Variants in STK3 observed in about 807,000 individuals in gnomAD.
The protein encoded by STK3 is serine/threonine kinase 3.
STK3 carries 41 observed loss-of-function variants against 58.0 expected under a neutral mutation model. The observed-to-expected ratio is 0.71, with a 90% CI of 0.55 to 0.92. STK3 has a LOEUF of 0.92. STK3 is among the 40% of genes least tolerant of loss of function. STK3 has a pLI of 0.00. For missense variants in STK3, 479 were observed against 602.7 expected (o/e 0.79, Z 2.15); for synonymous variants, 170 against 191.0 (o/e 0.89, Z 0.91).
rs71514990 is a variant in STK3, at chr8:98,510,080, G to T, written c.1317+16662C>A. Among the ~76,000 whole-genome samples, 848 of 152,152 alleles carry T rather than the reference G, an allele frequency of 5.6e-3. 4 individuals carry two copies. Among genetic ancestry groups the T allele is most frequent in the Middle Eastern group, 0.014 (4 of 294 alleles). ...TTTAAATGATCCTATCAATATTGGT[G>T]TCCGGGTTACACACAACTATAAATC... is the stretch of plus-strand genomic sequence containing the variant. On this transcript the variant is annotated intron_variant, in intron 10 of 10. Transcript: ENST00000419617.
chr8:98,587,459 G>A (rs1230435244), intron 7 of STK3, among the ~76,000 whole-genome samples: 5 of 152,128 alleles, frequency 3.3e-5, no homozygotes. Flanking sequence ...TGTGGTCTGA[G>A]AGATAGTTTG....
At chr8:98,524,118 C>T (rs937632229) in intron 10 of STK3, among the ~76,000 whole-genome samples, 6 of 152,172 alleles carry the variant, frequency 3.9e-5, no homozygotes, top group African/African-American at 1.2e-4. Flanking sequence ...CTCTTCTTTG[C>T]CCCCACTGAA....
At chr8:98,657,921 A>G (rs1821673047) in intron 6 of STK3, among the ~76,000 whole-genome samples, 1 of 152,082 alleles carries the variant, frequency 6.6e-6, no homozygotes, top group Admixed American at 6.6e-5. Flanking sequence ...TCCTTACAAT[A>G]AGCCTGTGAT....
intron 10 of STK3, among the ~76,000 whole-genome samples, chr8:98,495,512 T>C (rs1013136179): frequency 6.6e-6 from 1 of 152,192 alleles, no homozygotes; most frequent in African/African-American, 2.4e-5. Context: ...AATGACCTTG[T>C]ATTTTGTACT....
chr8:98,599,965 T>C (rs979220711), intron 6 of STK3, among the ~76,000 whole-genome samples: 43 of 152,004 alleles, frequency 2.8e-4, no homozygotes, highest in African/African-American at 9.9e-4. Context: ...GGAAACTCCA[T>C]CTAAAAAAGA....
intron 8 of STK3, among the ~76,000 whole-genome samples, chr8:98,549,305 G>A (rs1301672822): frequency 6.6e-6 from 1 of 152,128 alleles, no homozygotes; most frequent in Non-Finnish European, 1.5e-5. Context: ...CCATCCTAAT[G>A]AACATGAAGT....
At chr8:98,562,060 G>A (rs1563741840) in intron 8 of STK3, among the ~76,000 whole-genome samples, 1 of 152,120 alleles carries the variant, frequency 6.6e-6, no homozygotes, top group Non-Finnish European at 1.5e-5. Flanking sequence ...TCATTCCTTG[G>A]TTAGTAGGAA....
chr8:98,651,423 A>C (rs1362648717), intron 6 of STK3: 1 of 152,288 alleles, frequency 6.6e-6, no homozygotes, highest in African/African-American at 2.4e-5. Flanking sequence ...AAACTCTAAA[A>C]AGCAGAGTGC....
intron 1 of STK3, among the ~76,000 whole-genome samples, chr8:98,911,210 CTT>C (rs1357084336): frequency 1.3e-5 from 2 of 152,156 alleles, no homozygotes; most frequent in African/African-American, 2.4e-5. Flanking sequence ...AAATTATTGT[CTT>C]CCTCAAGTTC....
chr8:98,851,281 G>A (rs770256009), intron 3 of STK3, among the ~76,000 whole-genome samples: 2 of 152,174 alleles, frequency 1.3e-5, no homozygotes, highest in African/African-American at 2.4e-5. Context: ...TGTTTAGTGG[G>A]TGAATGTCGA....
intron 9 of STK3, among the ~76,000 whole-genome samples, chr8:98,543,083 A>C (rs919487409): frequency 6.6e-5 from 10 of 152,176 alleles, no homozygotes; most frequent in African/African-American, 2.4e-4. Context: ...AGGGGCACTT[A>C]TTCCTAACCT....
intron 6 of STK3, among the ~76,000 whole-genome samples, chr8:98,697,313 T>A (rs1825048513): frequency 6.6e-6 from 1 of 152,360 alleles, no homozygotes; most frequent in South Asian, 2.1e-4. Context: ...AACCAGCTCC[T>A]GGATTCATTA....
At chr8:98,682,647 GT>G (rs1823720718) in intron 6 of STK3, among the ~76,000 whole-genome samples, 1 of 152,050 alleles carries the variant, frequency 6.6e-6, no homozygotes. Flanking sequence ...AATTAATATA[GT>G]CTTCTAGGAC....
chr8:98,858,446 C>T (rs1035160565), intron 3 of STK3, among the ~76,000 whole-genome samples: 5 of 148,732 alleles, frequency 3.4e-5, no homozygotes, highest in South Asian at 2.2e-4. Context: ...GGATTACAGG[C>T]GTGAGTCACC....
chr8:98,681,336 G>A (rs1204382414), intron 6 of STK3, among the ~76,000 whole-genome samples: 4 of 151,874 alleles, frequency 2.6e-5, no homozygotes, highest in South Asian at 2.1e-4. Context: ...CCCCCAAAGC[G>A]ATTCATCTTC....
intron 6 of STK3, among the ~76,000 whole-genome samples, chr8:98,690,438 A>G (rs1262888005): frequency 6.9e-6 from 1 of 144,962 alleles, no homozygotes; most frequent in African/African-American, 2.5e-5. Context: ...AATGCCATTT[A>G]CAATTCCTAC....
chr8:98,501,785 C>A (rs1253206193), intron 10 of STK3, among the ~76,000 whole-genome samples: 1 of 152,202 alleles, frequency 6.6e-6, no homozygotes, highest in African/African-American at 2.4e-5. Flanking sequence ...GGTACTGGTA[C>A]CATGCTGTTT....
intron 1 of STK3, among the ~76,000 whole-genome samples, chr8:98,382,254 A>C (rs1438091312): frequency 6.6e-6 from 1 of 152,250 alleles, no homozygotes; most frequent in Non-Finnish European, 1.5e-5. Context: ...CCTGAGAAGC[A>C]GGCCTGGAAA....
At chr8:98,709,222 C>A (rs1359523256) in intron 4 of STK3, among the ~76,000 whole-genome samples, 1 of 151,922 alleles carries the variant, frequency 6.6e-6, no homozygotes, top group Non-Finnish European at 1.5e-5. Context: ...ATGAGGACAA[C>A]AATAGAGAGC....
Sources: gnomAD v4.1 joint callset for allele counts (sites outside exome capture counted in the v4.1 genomes callset) on GRCh38, gnomAD v4.1.1 for gene constraint, MANE v1.5 for transcripts, NCBI Gene and HGNC (gene_info 2026-07-23, HGNC 2026-07-21) for gene names.